Variants in EI24 observed in about 807,000 individuals in gnomAD.
The protein encoded by EI24 is EI24 autophagy associated transmembrane protein, also known as etoposide-induced protein 2.4 homolog.
EI24 carries 21 observed loss-of-function variants against 48.6 expected under a neutral mutation model. The observed-to-expected ratio is 0.43, with a 90% CI of 0.31 to 0.62. EI24 has a LOEUF of 0.62. Ranked by LOEUF, EI24 falls within the 20% of genes least tolerant of loss-of-function variation. EI24 has a pLI of 0.10. For missense variants in EI24, 280 were observed against 410.5 expected (o/e 0.68, Z 2.75); for synonymous variants, 114 against 145.5 (o/e 0.78, Z 1.56).
intron 9 of EI24, among the ~76,000 whole-genome samples, chr11:125,581,847 C>G (rs1939017373): frequency 6.6e-6 from 1 of 151,924 alleles, no homozygotes; most frequent in Non-Finnish European, 1.5e-5. Flanking sequence ...ATGCCCAGCC[C>G]TGCAGCAATG....
intron 6 of EI24, 120 bp from the exon 7 acceptor site, chr11:125,578,829 C>T: frequency 8.1e-7 from 1 of 1,239,702 alleles, no homozygotes; most frequent in Admixed American, 2.5e-5. Flanking sequence ...TCGTGCCCAG[C>T]TTATTTTTAA....
rs551704338 is a variant in EI24 at position 125,569,488 on chromosome 11, A to G, written c.-156A>G. ...GCCCGGGCATGCCCAGTGCGGGCGC[A>G]GCGGCCCCGGCCCTGGAAGCGCCCC... is the stretch of plus-strand genomic sequence containing the variant. On this transcript the variant is annotated 5_prime_UTR_variant, in exon 1 of 11. Coordinates refer to ENST00000278903, the MANE Select transcript of EI24 (RefSeq NM_004879.5). The G allele has an allele frequency of 1.5e-3, 581 of 383,678 alleles. 2 individuals carry two copies. The highest frequency in any genetic ancestry group is 0.011 in the African/African-American group (535 of 48,000). 23.8% of individuals were successfully genotyped at this position (383,678 alleles called of 1,614,324 possible).
intron 4 of EI24, among the ~76,000 whole-genome samples, chr11:125,577,195 G>A (rs1374135344): frequency 2.6e-5 from 4 of 152,112 alleles, no homozygotes; most frequent in Non-Finnish European, 2.9e-5. Flanking sequence ...GGGTTCAAGC[G>A]ATTCTCCTGC....
chr11:125,582,147 G>C (rs991824802), intron 9 of EI24, among the ~76,000 whole-genome samples, 199 bp from the exon 10 acceptor site: 1 of 151,804 alleles, frequency 6.6e-6, no homozygotes, highest in African/African-American at 2.4e-5. Context: ...GCGGTGAGTT[G>C]AGATCTTGCC....
chr11:125,581,402 T>C, intron 9 of EI24, 80 bp downstream of exon 9: 1 of 827,182 alleles, frequency 1.2e-6, no homozygotes, highest in Non-Finnish European at 1.9e-6. Context: ...TGCTTCGTTC[T>C]GTTTCGCATT....
intron 2 of EI24, chr11:125,573,667 G>A (rs1191056395): frequency 6.7e-6 from 1 of 149,404 alleles, no homozygotes; most frequent in African/African-American, 2.6e-5. Flanking sequence ...AAGACTTTAT[G>A]CATATGATCT....
At chr11:125,572,827 C>CTTTT (rs35464386) in intron 2 of EI24, among the ~76,000 whole-genome samples, 2 of 105,428 alleles carry the variant, frequency 1.9e-5, no homozygotes, top group Admixed American at 9.6e-5. Context: ...GGCTTCAGAG[C>CTTTT]TTTTTTTTTT....
At chr11:125,576,373 T>C in intron 4 of EI24, 58 bp downstream of exon 4, 4 of 1,494,656 alleles carry the variant, frequency 2.7e-6, no homozygotes, top group South Asian at 1.2e-5. Context: ...GCTGGGTTGA[T>C]AGCTATGAAC....
chr11:125,583,710 C>T lies in EI24; in HGVS notation c.*27C>T, dbSNP rs771441344. 70 of 1,602,462 alleles carry T rather than the reference C, an allele frequency of 4.4e-5. No individual in the cohort carries two copies. The highest frequency in any genetic ancestry group is 1.6e-4 in the Middle Eastern group (1 of 6,068). On this transcript the variant is annotated 3_prime_UTR_variant, in exon 11 of 11. Transcript: ENST00000278903. Reference sequence around the variant, plus strand: ...TTGCCTGCCATCCAAAGGGGATGGGCGGGATTGGAAGAAGCTGTGGCAGCT... The same window carrying T: ...TTGCCTGCCATCCAAAGGGGATGGGTGGGATTGGAAGAAGCTGTGGCAGCT...
At chr11:125,583,204 G>A (rs1055170782) in intron 10 of EI24, among the ~76,000 whole-genome samples, 13 of 152,150 alleles carry the variant, frequency 8.5e-5, no homozygotes, top group Non-Finnish European at 1.6e-4. Context: ...AGGTTCAAGC[G>A]ATTCTCCTGC....
chr11:125,580,003 G>A lies in EI24; in HGVS notation c.562-90G>A, dbSNP rs1042913546. On this transcript the variant is annotated intron_variant, in intron 7 of 10. Transcript: ENST00000278903. ...TAGAAACTTGAGAAGCAGCTAGGAA[G>A]CTATCTCAGACAGTGATTGGAGAGT... The A allele has an allele frequency of 2.9e-6, 3 of 1,024,308 alleles. No individual in the cohort carries two copies. In the Admixed American group the frequency reaches 5.2e-5, roughly 18 times the overall value. The allele number at this position is 1,024,308 out of a possible 1,614,324, so 63.5% of individuals were successfully genotyped here.
intron 7 of EI24, 73 bp from the exon 8 acceptor site, chr11:125,580,020 T>G: frequency 8.4e-7 from 1 of 1,191,324 alleles, no homozygotes; most frequent in Non-Finnish European, 1.3e-6. Flanking sequence ...CAGACAGTGA[T>G]TGGAGAGTGA....
Position 125,584,417 on chromosome 11 carries a change from GC to G in EI24, c.*736del. ...GGGGAGGTACCAATTCTGGACAAGTGCCACTACAACAACACTAAACCTGAAC... is the reference window on the plus strand; with the variant it reads ...GGGGAGGTACCAATTCTGGACAAGTGCACTACAACAACACTAAACCTGAAC... On this transcript the variant is annotated 3_prime_UTR_variant, in exon 11 of 11. Transcript: ENST00000278903. 1 of 152,716 alleles carries G rather than the reference GC, an allele frequency of 6.5e-6. No homozygotes were observed. Among genetic ancestry groups the G allele is most frequent in the South Asian group, 2.1e-4 (1 of 4,816 alleles). The allele number at this position is 152,716 out of a possible 1,614,324, so 9.5% of individuals were successfully genotyped here.
intron 2 of EI24, 39 bp downstream of exon 2, chr11:125,572,608 T>C: frequency 3.3e-6 from 1 of 304,336 alleles, no homozygotes; most frequent in African/African-American, 2.3e-5. Flanking sequence ...TCTCTCGGCC[T>C]TTTTTTTTTT....
intron 9 of EI24, among the ~76,000 whole-genome samples, chr11:125,581,883 ATCT>A (rs1239402974): frequency 1.3e-5 from 2 of 151,878 alleles, no homozygotes; most frequent in South Asian, 2.1e-4. Flanking sequence ...GCTTAGAAAA[ATCT>A]TCTGTTCTTT....
intron 4 of EI24, among the ~76,000 whole-genome samples, chr11:125,577,295 T>A (rs1373451607): frequency 6.6e-6 from 1 of 152,230 alleles, no homozygotes; most frequent in African/African-American, 2.4e-5. Flanking sequence ...TTTCACCATC[T>A]TGGCCAGGCT....
intron 6 of EI24, among the ~76,000 whole-genome samples, chr11:125,578,480 CTTTTTTTTT>C (rs370986926): frequency 3.5e-5 from 3 of 84,694 alleles, no homozygotes; most frequent in African/African-American, 9.5e-5. Context: ...TTCGTTTTGG[CTTTTTTTTT>C]TTTTTTTTTT....
At chr11:125,581,077 A>AAAT (rs145007951) in intron 8 of EI24, 134 bp from the exon 9 acceptor site, 31,285 of 192,986 alleles carry the variant, frequency 0.16, 2,776 homozygotes, top group South Asian at 0.31. Context: ...ACTCCATCTC[A>AAAT]AATAATAATA....
chr11:125,583,805 C>G lies in EI24; in HGVS notation c.*122C>G, dbSNP rs1218086984. On this transcript the variant is annotated 3_prime_UTR_variant, in exon 11 of 11. Transcript: ENST00000278903. ...CTCTGCCAAGGGCCCTCTGCGTATT[C>G]CCTTCTCTCTGAGGAATTGAAATTT... The G allele has an allele frequency of 7.4e-7, 1 of 1,358,374 alleles. No individual in the cohort carries two copies. Among genetic ancestry groups the G allele is most frequent in the East Asian group, 2.5e-5 (1 of 39,452 alleles). 84.1% of individuals were successfully genotyped at this position (1,358,374 alleles called of 1,614,324 possible).
Sources: gnomAD v4.1 joint callset for allele counts (sites outside exome capture counted in the v4.1 genomes callset) on GRCh38, gnomAD v4.1.1 for gene constraint, MANE v1.5 for transcripts, NCBI Gene and HGNC (gene_info 2026-07-23, HGNC 2026-07-21) for gene names.